CFAP97: variants seen among roughly 807,000 people sequenced by gnomAD.
The protein encoded by CFAP97 is cilia- and flagella-associated protein 97.
A neutral mutation model predicts 43.1 loss-of-function variants in CFAP97; 36 were observed. That is an observed-to-expected ratio of 0.84 (90% CI 0.64 to 1.10). The LOEUF (loss-of-function observed/expected upper bound fraction) is 1.10, where lower values mean the gene tolerates loss of function less well. Among genes scored for constraint, CFAP97 ranks in the 50% least tolerant of loss-of-function variants. CFAP97 has a pLI of 0.00. For missense variants in CFAP97, 657 were observed against 620.3 expected (o/e 1.06, Z -0.63); for synonymous variants, 228 against 225.7 (o/e 1.01, Z -0.09).
intron 3 of CFAP97, chr4:185,170,166 G>T: frequency 1.6e-6 from 1 of 616,902 alleles, no homozygotes. Flanking sequence ...TGGCTAACAT[G>T]GCAATACCAT....
intron 2 of CFAP97, among the ~76,000 whole-genome samples, chr4:185,180,114 A>G (rs1735724195): frequency 6.6e-6 from 1 of 151,912 alleles, no homozygotes; most frequent in Non-Finnish European, 1.5e-5. Flanking sequence ...TCTAGCCCTT[A>G]TTTTCATTCT....
At chr4:185,209,991 G>T, upstream of CFAP97, 1 of 983,744 alleles carries the variant, frequency 1.0e-6, no homozygotes, top group South Asian at 4.6e-5. This position sits in a 1 kb window ranked among gnomAD's most constrained non-coding sequence, Gnocchi z 5.2. Context: ...CGGGCGGCCG[G>T]AGCTGGTGGA....
chr4:185,200,426 G>A (rs72704038), intron 1 of CFAP97, among the ~76,000 whole-genome samples: 19,300 of 152,184 alleles, frequency 0.13, 1,290 homozygotes, highest in African/African-American at 0.15. Flanking sequence ...AATGACTTGA[G>A]GACAGTAGTT....
intron 3 of CFAP97, among the ~76,000 whole-genome samples, chr4:185,167,109 A>C (rs184090694): frequency 5.5e-4 from 83 of 152,234 alleles, no homozygotes; most frequent in African/African-American, 2.0e-3. Flanking sequence ...TGTAAGCCCC[A>C]AAATCAAAAG....
At chr4:185,205,690 G>A (rs1225538193), upstream of CFAP97, among the ~76,000 whole-genome samples, 1 of 152,154 alleles carries the variant, frequency 6.6e-6, no homozygotes, top group African/African-American at 2.4e-5. Context: ...TTAGCCAGGT[G>A]TGGTGGTGCA....
Position 185,188,973 on chromosome 4 carries a change from T to G in CFAP97, c.1054+1170A>C, listed in dbSNP as rs1300526527. 7.2e-5 allele frequency among the ~76,000 whole-genome samples: 11 copies of G among 152,140 alleles called. No homozygotes were observed. The East Asian group carries it at 2.1e-3, about 29-fold the overall frequency. On this transcript the variant is annotated intron_variant, in intron 2 of 4. Transcript: ENST00000458385. ...TACAAAAGGGCCAGATGCAGTGGCG[T>G]GCACCCATAATCCCAGCCCTTCGGG...
chr4:185,200,934 T>C (rs1372753605), intron 1 of CFAP97, among the ~76,000 whole-genome samples: 1 of 152,222 alleles, frequency 6.6e-6, no homozygotes, highest in Non-Finnish European at 1.5e-5. Context: ...AAGCTGTAAA[T>C]GTAGTTGAAA....
At chr4:185,193,378 T>C (rs953007874) in intron 1 of CFAP97, among the ~76,000 whole-genome samples, 3 of 152,144 alleles carry the variant, frequency 2.0e-5, no homozygotes, top group Non-Finnish European at 4.4e-5. Context: ...CCAGGCACGG[T>C]GGCTCATGCT....
chr4:185,164,276 T>C, intron 3 of CFAP97, 97 bp from the exon 4 acceptor site: 1 of 1,241,134 alleles, frequency 8.1e-7, no homozygotes, highest in East Asian at 2.5e-5. Context: ...TTTCTTTCTT[T>C]TTTTTTTTAA....
Position 185,159,919 on chromosome 4 carries a change from A to G in CFAP97, c.*2879T>C, listed in dbSNP as rs1406678938. On this transcript the variant is annotated 3_prime_UTR_variant, in exon 5 of 5. Coordinates refer to ENST00000458385, the MANE Select transcript of CFAP97 (RefSeq NM_020827.3). Reference sequence around the variant, plus strand: ...GAATGTAATTATTAAAGTATAATCAACTCACATCTTTGGGTTTATATTGGT... The same window carrying G: ...GAATGTAATTATTAAAGTATAATCAGCTCACATCTTTGGGTTTATATTGGT... 1 of 152,192 alleles carries G rather than the reference A, an allele frequency of 6.6e-6. No homozygotes were observed. 9.4% of individuals were successfully genotyped at this position (152,192 alleles called of 1,614,324 possible).
intron 3 of CFAP97, among the ~76,000 whole-genome samples, chr4:185,166,313 T>C (rs1169640629): frequency 1.3e-5 from 2 of 152,186 alleles, no homozygotes; most frequent in Admixed American, 6.5e-5. Context: ...TTTGTAACTG[T>C]GCAGGAACTT....
At position 185,191,038 on chromosome 4, in the gene CFAP97, C is replaced by A; in HGVS notation, c.159G>T (p.Ser53=). ...TTTCTGTTGTTTGCATTCCAGTGTTCGAATTTACATTTTTTGTATCTTTAT... is the reference window on the plus strand; with the variant it reads ...TTTCTGTTGTTTGCATTCCAGTGTTAGAATTTACATTTTTTGTATCTTTAT... ...RIDKDTKNVN[S]NTGMQTTENY... Residue 53 remains serine, a synonymous_variant, in exon 2 of 5, where the codon TCG becomes TCT. Transcript: ENST00000458385. 1 of 1,613,124 alleles carries A rather than the reference C, an allele frequency of 6.2e-7. No homozygotes were observed. Among genetic ancestry groups the A allele is most frequent in the Middle Eastern group, 1.7e-4 (1 of 6,060 alleles).
At chr4:185,179,512 C>T (rs1292482325) in intron 2 of CFAP97, among the ~76,000 whole-genome samples, 2 of 152,100 alleles carry the variant, frequency 1.3e-5, no homozygotes, top group African/African-American at 4.8e-5. Flanking sequence ...CTGGAACACA[C>T]GTGCTTAGAA....
chr4:185,194,037 T>C (rs929277639), intron 1 of CFAP97, among the ~76,000 whole-genome samples: 1 of 152,186 alleles, frequency 6.6e-6, no homozygotes, highest in Non-Finnish European at 1.5e-5. Context: ...TTGTCTGCCA[T>C]CTGTTTTTGT....
At chr4:185,192,822 G>C (rs1736345709) in intron 1 of CFAP97, among the ~76,000 whole-genome samples, 1 of 139,732 alleles carries the variant, frequency 7.2e-6, no homozygotes, top group African/African-American at 2.7e-5. Context: ...CTCAGTGCAA[G>C]CTCCGCCTCC....
chr4:185,179,928 C>G (rs1735716740), intron 2 of CFAP97, among the ~76,000 whole-genome samples: 1 of 152,170 alleles, frequency 6.6e-6, no homozygotes, highest in African/African-American at 2.4e-5. Context: ...TTGCCTTTAT[C>G]ATACATTTCA....
rs1734898434 is a variant in CFAP97, at chr4:185,162,289, T to C, written c.*509A>G. 6.4e-6 allele frequency: 1 copy of C among 155,918 alleles called. No individual in the cohort carries two copies. The highest frequency in any genetic ancestry group is 6.3e-5 in the Admixed American group (1 of 15,846). 9.7% of individuals were successfully genotyped at this position (155,918 alleles called of 1,614,324 possible). The stretch of plus-strand genomic sequence containing the variant: ...ATCTGCTCATCAAATCTAGATCAGC[T>C]CTACCAGTGAAAACAAATTTCAAGA... On this transcript the variant is annotated 3_prime_UTR_variant, in exon 5 of 5. Coordinates refer to ENST00000458385, the MANE Select transcript of CFAP97 (RefSeq NM_020827.3).
chr4:185,193,395 C>A (rs911459135), intron 1 of CFAP97, among the ~76,000 whole-genome samples: 3 of 152,104 alleles, frequency 2.0e-5, no homozygotes, highest in Non-Finnish European at 4.4e-5. Context: ...TGCTGTAATC[C>A]CAGCACTTCG....
rs1363581991 is a variant in CFAP97 at position 185,190,258 on chromosome 4, T to C, written c.939A>G (p.Glu313=). 6.2e-7 allele frequency: 1 copy of C among 1,613,276 alleles called. No homozygotes were observed. The highest frequency in any genetic ancestry group is 2.2e-5 in the East Asian group (1 of 44,886). Reference sequence around the variant, plus strand: ...TTGAGGAGACATCAGGCTCATGTTTTTCTTTCCCTTTTTTGGCTGCTTTCA... The same window carrying C: ...TTGAGGAGACATCAGGCTCATGTTTCTCTTTCCCTTTTTTGGCTGCTTTCA... The part of the protein sequence containing the change: ...KYLKAAKKGK[E]KHEPDVSSKS... Residue 313 remains glutamate, a synonymous_variant, in exon 2 of 5, where the codon GAA becomes GAG. Coordinates refer to ENST00000458385, the MANE Select transcript of CFAP97 (RefSeq NM_020827.3).
Sources: allele counts gnomAD v4.1 joint callset (sites outside exome capture counted in the v4.1 genomes callset), GRCh38; gene constraint gnomAD v4.1.1; non-coding constraint Gnocchi (gnomAD v3.1); transcripts MANE v1.5; gene names NCBI Gene and HGNC (gene_info 2026-07-23, HGNC 2026-07-21).